The following STIM2 variants were observed in gnomAD, a reference collection of about 807,000 sequenced individuals.
STIM2 encodes stromal interaction molecule 2.
STIM2 carries 31 observed loss-of-function variants against 85.8 expected under a neutral mutation model. That is an observed-to-expected ratio of 0.36 (90% CI 0.27 to 0.49). The LOEUF (loss-of-function observed/expected upper bound fraction) is 0.49. Ranked by LOEUF, STIM2 falls within the 20% of genes least tolerant of loss-of-function variation. STIM2 has a pLI of 0.98. For synonymous variants in STIM2, 356 were observed against 331.1 expected, an observed-to-expected ratio of 1.08 and a Z score of -0.82; for missense variants, 841 against 927.6, an observed-to-expected ratio of 0.91 and a Z score of 1.21.
chr4:26,890,030 A>G (rs917080199), intron 1 of STIM2, among the ~76,000 whole-genome samples: 1 of 152,104 alleles, frequency 6.6e-6, no homozygotes, highest in Non-Finnish European at 1.5e-5. Context: ...ACCTCTGGCC[A>G]TTTCTTCTTC....
chr4:26,876,184 G>T (rs1722809107), intron 1 of STIM2, among the ~76,000 whole-genome samples: 2 of 152,136 alleles, frequency 1.3e-5, no homozygotes, highest in Non-Finnish European at 2.9e-5. Context: ...ACTTATTTAA[G>T]AAGTCTTTAA....
chr4:27,016,848 G>T (rs1270554409), intron 10 of STIM2, among the ~76,000 whole-genome samples: 1 of 152,210 alleles, frequency 6.6e-6, no homozygotes, highest in Admixed American at 6.5e-5. Flanking sequence ...TGAAGTGGAG[G>T]TGGAAGATTC....
chr4:26,891,301 G>A (rs1316123521), intron 1 of STIM2, among the ~76,000 whole-genome samples: 2 of 152,116 alleles, frequency 1.3e-5, no homozygotes, highest in Non-Finnish European at 2.9e-5. Flanking sequence ...CAGAAACTGA[G>A]GTTTCCTGAA....
At chr4:26,966,697 T>C (rs888729795) in intron 3 of STIM2, among the ~76,000 whole-genome samples, 11 of 152,118 alleles carry the variant, frequency 7.2e-5, no homozygotes, top group African/African-American at 2.7e-4. Context: ...ATTTCTATGA[T>C]TCTGATATGT....
intron 1 of STIM2, among the ~76,000 whole-genome samples, chr4:26,917,094 C>T (rs1398512092): frequency 2.0e-5 from 3 of 152,016 alleles, no homozygotes; most frequent in Admixed American, 2.0e-4. Flanking sequence ...AAACATGGTC[C>T]CTGCCCTGTT....
At chr4:26,934,915 A>G (rs1255986357) in intron 2 of STIM2, among the ~76,000 whole-genome samples, 1 of 92,814 alleles carries the variant, frequency 1.1e-5, no homozygotes, top group Non-Finnish European at 2.1e-5. Context: ...CTCCATCTCA[A>G]AAAAAAAAAA....
At position 26,995,953 on chromosome 4, in the gene STIM2, C is replaced by T. The variant is rs538631321; in HGVS notation, c.509+463C>T. Among the ~76,000 whole-genome samples the T allele has an allele frequency of 1.1e-4, 16 of 152,024 alleles. No individual in the cohort carries two copies. In the East Asian group the frequency reaches 3.1e-3, roughly 29 times the overall value. ...AATGAAATTAATAAAAAATAGCAAC[C>T]ATTTTAAAATGTATGCTACATAGAA... On this transcript the variant is annotated intron_variant, in intron 4 of 11. Transcript: ENST00000467087.
rs908700087 is a variant in STIM2, at chr4:27,024,212, A to G, written c.*1216A>G. 2.6e-5 allele frequency: 4 copies of G among 152,356 alleles called. No individual in the cohort carries two copies. Among genetic ancestry groups the G allele is most frequent in the African/African-American group, 7.2e-5 (3 of 41,584 alleles). The allele number at this position is 152,356 out of a possible 1,614,324, so 9.4% of individuals were successfully genotyped here. ...ATTGCGTTGTATTAATTTATAAAGT[A>G]TGGTGTTCATTAAATTGGTGGGTTG... On this transcript the variant is annotated 3_prime_UTR_variant, in exon 12 of 12. Coordinates refer to ENST00000467087, the MANE Select transcript of STIM2 (RefSeq NM_020860.4).
chr4:26,967,460 T>C (rs1726765880), intron 3 of STIM2, among the ~76,000 whole-genome samples: 1 of 152,114 alleles, frequency 6.6e-6, no homozygotes, highest in Non-Finnish European at 1.5e-5. Context: ...CATGAGCATC[T>C]AGAGAGGGGA....
intron 1 of STIM2, among the ~76,000 whole-genome samples, chr4:26,875,561 T>C (rs1031502166): frequency 6.6e-6 from 1 of 152,156 alleles, no homozygotes; most frequent in Non-Finnish European, 1.5e-5. Context: ...CTCAGGCCTC[T>C]AATTTATCAT....
chr4:26,961,551 C>A (rs2109096672), intron 3 of STIM2, among the ~76,000 whole-genome samples: 1 of 152,182 alleles, frequency 6.6e-6, no homozygotes, highest in Middle Eastern at 3.4e-3. Flanking sequence ...CTGGTGTATA[C>A]AGAGCAAATT....
chr4:27,018,512 A>G (rs545989194), intron 11 of STIM2, among the ~76,000 whole-genome samples: 18 of 152,312 alleles, frequency 1.2e-4, no homozygotes, highest in Non-Finnish European at 2.2e-4. Context: ...TCCCCTGGAT[A>G]ATAATAATCT....
intron 1 of STIM2, among the ~76,000 whole-genome samples, chr4:26,870,731 T>G (rs1722581892): frequency 6.6e-6 from 1 of 152,140 alleles, no homozygotes; most frequent in Non-Finnish European, 1.5e-5. Context: ...CAGTAAGATA[T>G]TCACCCTAGC....
At chr4:26,994,018 T>C (rs1727861308) in intron 3 of STIM2, among the ~76,000 whole-genome samples, 1 of 152,100 alleles carries the variant, frequency 6.6e-6, no homozygotes, top group African/African-American at 2.4e-5. Flanking sequence ...GAAGAGATGC[T>C]AGTTATTTTA....
chr4:26,953,800 A>G (rs1726144811), intron 2 of STIM2, among the ~76,000 whole-genome samples: 1 of 151,914 alleles, frequency 6.6e-6, no homozygotes, highest in Non-Finnish European at 1.5e-5. Flanking sequence ...TGTCTCGACT[A>G]CTCATAAAAT....
At chr4:26,917,293 C>T (rs1361248962) in intron 1 of STIM2, among the ~76,000 whole-genome samples, 2 of 152,140 alleles carry the variant, frequency 1.3e-5, no homozygotes, top group African/African-American at 4.8e-5. Context: ...CATGCCTATA[C>T]CGTTTACTTA....
rs1284037860 is a variant in STIM2, at chr4:26,954,981, A to G, written c.283-2631A>G. 6.1e-5 allele frequency among the ~76,000 whole-genome samples: 9 copies of G among 146,942 alleles called. 1 individual carries two copies. The highest frequency in any genetic ancestry group is 2.3e-4 in the African/African-American group (9 of 38,380). ...TATTCAATTTTCACCCAACTTTATTAGGAATTTTATTTCTTAGGAATTCTT... is the reference window on the plus strand; with the variant it reads ...TATTCAATTTTCACCCAACTTTATTGGGAATTTTATTTCTTAGGAATTCTT... On this transcript the variant is annotated intron_variant, in intron 2 of 11. Coordinates refer to ENST00000467087, the MANE Select transcript of STIM2 (RefSeq NM_020860.4).
At chr4:26,967,722 T>C (rs995241304) in intron 3 of STIM2, among the ~76,000 whole-genome samples, 1 of 152,206 alleles carries the variant, frequency 6.6e-6, no homozygotes, top group African/African-American at 2.4e-5. Context: ...CTCAGCTTCA[T>C]TTTATCTTCC....
chr4:26,952,394 C>T (rs1471755112), intron 2 of STIM2, among the ~76,000 whole-genome samples: 1 of 151,958 alleles, frequency 6.6e-6, no homozygotes, highest in African/African-American at 2.4e-5. Flanking sequence ...AGAAATCATA[C>T]AGAATATGTA....
Sources: allele counts gnomAD v4.1 joint callset (sites outside exome capture counted in the v4.1 genomes callset), GRCh38; gene constraint gnomAD v4.1.1; transcripts MANE v1.5; gene names NCBI Gene and HGNC (gene_info 2026-07-23, HGNC 2026-07-21).